POFUT2: variants seen among roughly 807,000 people sequenced by gnomAD.
POFUT2 encodes the protein GDP-fucose protein O-fucosyltransferase 2.
POFUT2 carries 30 observed loss-of-function variants against 55.0 expected under a neutral mutation model. The ratio of observed to expected loss-of-function variants is 0.55; its 90% confidence interval spans 0.41 to 0.74. The LOEUF (loss-of-function observed/expected upper bound fraction) is 0.74. POFUT2 is among the 30% of genes least tolerant of loss of function. The pLI, the probability that POFUT2 is intolerant of heterozygous loss-of-function variation, is 0.00. For missense variants in POFUT2, 524 were observed against 562.6 expected (o/e 0.93, Z 0.69); for synonymous variants, 267 against 231.1 (o/e 1.16, Z -1.41).
intron 7 of POFUT2, among the ~76,000 whole-genome samples, chr21:45,269,039 G>T (rs1355172276): frequency 9.7e-6 from 1 of 103,424 alleles, no homozygotes; most frequent in Non-Finnish European, 1.9e-5. Context: ...AGGGAGGTGG[G>T]GGGGTCAGCC....
intron 7 of POFUT2, among the ~76,000 whole-genome samples, chr21:45,269,373 A>C (rs1273112544): frequency 6.6e-6 from 1 of 152,122 alleles, no homozygotes; most frequent in African/African-American, 2.4e-5. Flanking sequence ...AAAGATTGAG[A>C]AATCGGATGG....
rs756936451 is a variant in POFUT2, at chr21:45,265,535, C to T, written c.1237G>A (p.Gly413Arg). ...TGCTCACACGCCTTCTCTTGGTCTC[C>T]GCAGAACCTGTTGTACGTCGTCTTG... ...DPKTTYNRFC[G>R]DQEKACEQPT... is the part of the protein sequence containing the mutation. The change falls in exon 9 of 9, where the codon GGA (glycine) becomes AGA (arginine). Residue 413 changes from glycine to arginine, a missense_variant. Gly to Arg is a moderately radical substitution (Grantham distance 125, BLOSUM62 -2). Coordinates refer to ENST00000349485, the MANE Select transcript of POFUT2 (RefSeq NM_133635.6). The surrounding 1 kb of genome is among the most constrained non-coding windows in gnomAD (Gnocchi z 4.6). The T allele has an allele frequency of 1.1e-5, 18 of 1,614,038 alleles. No individual in the cohort carries two copies. The highest frequency in any genetic ancestry group is 3.3e-5 in the South Asian group (3 of 91,082).
Position 45,282,476 on chromosome 21 carries a change from A to G in POFUT2, c.528-17T>C. On this transcript the variant is annotated splice_polypyrimidine_tract_variant and intron_variant, in intron 3 of 8. Transcript: ENST00000349485. This position sits in a 1 kb window ranked among gnomAD's most constrained non-coding sequence, Gnocchi z 4.6. Reference sequence around the variant, plus strand: ...AACCATCCTCTGGAAAACAAAACCCACAGCAGCTCTATCAGTTTATTTTGC... The same window carrying G: ...AACCATCCTCTGGAAAACAAAACCCGCAGCAGCTCTATCAGTTTATTTTGC... The G allele has an allele frequency of 7.2e-7, 1 of 1,397,148 alleles. No homozygotes were observed. Among genetic ancestry groups the G allele is most frequent in the East Asian group, 2.3e-5 (1 of 43,882 alleles). The allele number at this position is 1,397,148 out of a possible 1,614,324, so 86.5% of individuals were successfully genotyped here.
At position 45,282,566 on chromosome 21, in the gene POFUT2, G is replaced by A. The variant is rs745559388; in HGVS notation, c.528-107C>T. The A allele has an allele frequency of 1.0e-4, 73 of 706,918 alleles. No homozygotes were observed. The highest frequency in any genetic ancestry group is 9.2e-4 in the Middle Eastern group (4 of 4,350). 43.8% of individuals were successfully genotyped at this position (706,918 alleles called of 1,614,324 possible). A position where few individuals can be genotyped will look rare whatever the true frequency, so the allele number is the denominator to read the frequency against. On this transcript the variant is annotated intron_variant, in intron 3 of 8. Transcript: ENST00000349485. This position sits in a 1 kb window ranked among gnomAD's most constrained non-coding sequence, Gnocchi z 4.6. Reference sequence around the variant, plus strand: ...CTGTGGCTTGCTCCTGATGAAACGCGGCTGCTTTAGGAAAACTTACTGATC... The same window carrying A: ...CTGTGGCTTGCTCCTGATGAAACGCAGCTGCTTTAGGAAAACTTACTGATC...
intron 6 of POFUT2, among the ~76,000 whole-genome samples, chr21:45,274,734 T>C (rs1464845372): frequency 6.6e-6 from 1 of 152,168 alleles, no homozygotes; most frequent in African/African-American, 2.4e-5. Flanking sequence ...TCAAAAATGG[T>C]GTGGGGATAT....
intron 4 of POFUT2, among the ~76,000 whole-genome samples, chr21:45,279,547 A>C (rs1396728358): frequency 6.6e-6 from 1 of 152,208 alleles, no homozygotes; most frequent in Non-Finnish European, 1.5e-5. Context: ...ACACGAACAG[A>C]GCAAGGATTC....
intron 1 of POFUT2, among the ~76,000 whole-genome samples, 193 bp downstream of exon 1, chr21:45,287,548 C>A (rs1180940746): frequency 1.0e-5 from 1 of 100,064 alleles, no homozygotes; most frequent in African/African-American, 3.9e-5. Flanking sequence ...CCCGCTCCAT[C>A]CCATCCCCCT....
intron 4 of POFUT2, among the ~76,000 whole-genome samples, chr21:45,279,832 A>G (rs1468233549): frequency 6.6e-6 from 1 of 152,218 alleles, no homozygotes; most frequent in Non-Finnish European, 1.5e-5. Context: ...CGTAATACCC[A>G]GGTGAATGGC....
chr21:45,267,498 C>T lies in POFUT2; in HGVS notation c.1136+92G>A, dbSNP rs146867143. The T allele has an allele frequency of 1.9e-5, 30 of 1,614,024 alleles. 1 individual carries two copies. Among genetic ancestry groups the T allele is most frequent in the South Asian group, 1.2e-4 (11 of 91,088 alleles). On this transcript the variant is annotated intron_variant, in intron 8 of 8. Coordinates refer to ENST00000349485, the MANE Select transcript of POFUT2 (RefSeq NM_133635.6). This position sits in a 1 kb window ranked among gnomAD's most constrained non-coding sequence, Gnocchi z 4.4. ...TGGAAATGACCACTGTGAACACAGGCGACCATCTGCTCTGACACCGAGTAC... is the reference window on the plus strand; with the variant it reads ...TGGAAATGACCACTGTGAACACAGGTGACCATCTGCTCTGACACCGAGTAC...
Position 45,279,707 on chromosome 21 carries a change from C to T in POFUT2, c.639-1538G>A, listed in dbSNP as rs149138898. Among the ~76,000 whole-genome samples, 3 of 152,310 alleles carry T rather than the reference C, an allele frequency of 2.0e-5. No homozygotes were observed. In the East Asian group the frequency reaches 5.8e-4, roughly 29 times the overall value. On this transcript the variant is annotated intron_variant, in intron 4 of 8. Coordinates refer to ENST00000349485, the MANE Select transcript of POFUT2 (RefSeq NM_133635.6). ...TTCTGGGTGGCATCCTACAGTTTTA[C>T]GCCCTCATGGTTCACACAAAGACTC...
At chr21:45,268,812 G>T (rs1179051696) in intron 7 of POFUT2, among the ~76,000 whole-genome samples, 17 of 144,554 alleles carry the variant, frequency 1.2e-4, no homozygotes, top group African/African-American at 3.2e-4. Flanking sequence ...GGAGGGAGGT[G>T]GGGGGGTCAG....
chr21:45,273,978 G>A (rs2093241233), intron 6 of POFUT2, among the ~76,000 whole-genome samples: 1 of 152,128 alleles, frequency 6.6e-6, no homozygotes, highest in Non-Finnish European at 1.5e-5. Flanking sequence ...AATCAGACAA[G>A]AGAAAGAAAT....
At position 45,267,398 on chromosome 21, in the gene POFUT2, A is replaced by G. The variant is rs1436789765; in HGVS notation, c.1136+192T>C. The G allele has an allele frequency of 6.2e-7, 1 of 1,602,976 alleles. No homozygotes were observed. Among genetic ancestry groups the G allele is most frequent in the East Asian group, 2.2e-5 (1 of 44,682 alleles). On this transcript the variant is annotated intron_variant, in intron 8 of 8. Coordinates refer to ENST00000349485, the MANE Select transcript of POFUT2 (RefSeq NM_133635.6). This position sits in a 1 kb window ranked among gnomAD's most constrained non-coding sequence, Gnocchi z 4.4. ...TGTGCATGAGAACTAAAGGGGCAAG[A>G]TGAACAATTAACTTCAGCCCAGGGA...
rs941787458 is a variant in POFUT2 at position 45,264,427 on chromosome 21, CTG to C, written c.*1053_*1054del. The C allele has an allele frequency of 1.4e-4, 22 of 152,346 alleles. No individual in the cohort carries two copies. Among genetic ancestry groups the C allele is most frequent in the African/African-American group, 5.3e-4 (22 of 41,564 alleles). 9.4% of individuals were successfully genotyped at this position (152,346 alleles called of 1,614,324 possible). On this transcript the variant is annotated 3_prime_UTR_variant, in exon 9 of 9. Coordinates refer to ENST00000349485, the MANE Select transcript of POFUT2 (RefSeq NM_133635.6). ...GGCACTGCTGCACCTTCCACGGATT[CTG>C]TGTCTAGCGTTGCCCTCTTTGCAGA...
chr21:45,275,975 G>C (rs1184095398), intron 6 of POFUT2, among the ~76,000 whole-genome samples: 1 of 152,086 alleles, frequency 6.6e-6, no homozygotes, highest in Admixed American at 6.5e-5. Context: ...GATTACTTGA[G>C]GTCAGGAGTT....
Position 45,269,920 on chromosome 21 carries a change from C to T in POFUT2, c.931G>A (p.Gly311Arg). ...AGGCTGCGGATCTTCCTCACGGCCC[C>T]TTCCAGACTGGGTACATCCTGTCTG... ...GHRQDVPSLE[G>R]AVRKIRSLMK... The change falls in exon 7 of 9, where the codon GGG becomes AGG. Residue 311 changes from glycine to arginine, a missense_variant. By Grantham distance (125) the Gly-to-Arg change is moderately radical. Transcript: ENST00000349485. The T allele has an allele frequency of 1.2e-6, 2 of 1,610,320 alleles. No individual in the cohort carries two copies. The highest frequency in any genetic ancestry group is 1.7e-6 in the Non-Finnish European group (2 of 1,178,916).
In POFUT2 at chr21:45,285,807, G is replaced by A; in HGVS notation, c.253C>T (p.Pro85Ser). ...TGCCAGTGATAGAGGCGGCCCCATG[G>A]AGGCAGGACAAGCACCCACTCCTCC... Reference protein sequence around the residue: ...KTEEWVLVLPPWGRLYHWQSP... With the variant: ...KTEEWVLVLPSWGRLYHWQSP... The change falls in exon 2 of 9, where the codon CCA (proline) becomes TCA (serine). Residue 85 changes from proline (P) to serine (S), a missense_variant. Around this residue, in one of 2 missense-constraint regions of POFUT2, gnomAD observed 274 missense variants for 244.4 expected, o/e 1.12. Transcript: ENST00000349485. This position sits in a 1 kb window ranked among gnomAD's most constrained non-coding sequence, Gnocchi z 4.9. The A allele has an allele frequency of 3.1e-6, 5 of 1,613,670 alleles. No homozygotes were observed. Among genetic ancestry groups the A allele is most frequent in the Non-Finnish European group, 4.2e-6 (5 of 1,180,024 alleles).
rs1034288195 is a variant in POFUT2, at chr21:45,277,744, C to T, written c.705+359G>A. 3 of 282,614 alleles carry T rather than the reference C, an allele frequency of 1.1e-5. No individual in the cohort carries two copies. The highest frequency in any genetic ancestry group is 6.6e-5 in the African/African-American group (3 of 45,242). The allele number at this position is 282,614 out of a possible 1,614,324, so 17.5% of individuals were successfully genotyped here. ...GAAATCAACGCCAACGGAAAAGACC[C>T]GCTGCAGAGAATAGTCCCACCTTTC... is the stretch of plus-strand genomic sequence containing the variant. On this transcript the variant is annotated intron_variant, in intron 5 of 8. Transcript: ENST00000349485. The surrounding 1 kb of genome is among the most constrained non-coding windows in gnomAD (Gnocchi z 6.9).
At chr21:45,274,221 G>GCAAA (rs944016466) in intron 6 of POFUT2, among the ~76,000 whole-genome samples, 2 of 151,946 alleles carry the variant, frequency 1.3e-5, no homozygotes, top group Admixed American at 6.6e-5. Flanking sequence ...TACAACAGCT[G>GCAAA]CAAACAAACA....
Sources: gnomAD v4.1 joint callset for allele counts (sites outside exome capture counted in the v4.1 genomes callset) on GRCh38, gnomAD v4.1.1 for gene constraint, gnomAD v4.1.1 regional missense constraint, Gnocchi (gnomAD v3.1) non-coding constraint, MANE v1.5 for transcripts, NCBI Gene and HGNC (gene_info 2026-07-23, HGNC 2026-07-21) for gene names.